The following TSC2 variants were observed in gnomAD, a reference collection of about 807,000 sequenced individuals.
TSC2 encodes the protein TSC complex subunit 2.
TSC2 carries 29 observed loss-of-function variants against 202.2 expected under a neutral mutation model. That is an observed-to-expected ratio of 0.14 (90% CI 0.11 to 0.20). The LOEUF is 0.20. Among genes scored for constraint, TSC2 ranks in the 10% least tolerant of loss-of-function variants. TSC2 has a pLI of 1.00. For missense variants in TSC2, 2,429 were observed against 2,420.0 expected, an observed-to-expected ratio of 1.00 and a Z score of -0.08; for synonymous variants, 1,349 against 1,044.0, an observed-to-expected ratio of 1.29 and a Z score of -5.63.
intron 30 of TSC2, 116 bp downstream of exon 30, chr16:2,080,493 T>G: frequency 1.6e-6 from 2 of 1,271,216 alleles, no homozygotes; most frequent in Admixed American, 2.4e-5. Context: ...TAACTTTTGT[T>G]TTTTTTTTGA....
intron 14 of TSC2, 97 bp downstream of exon 14, chr16:2,063,150 C>A: frequency 7.0e-7 from 1 of 1,428,268 alleles, no homozygotes; most frequent in Non-Finnish European, 9.6e-7. Context: ...CCGGGCTCTG[C>A]CTGGGACTTC....
rs370324876 is a variant in TSC2 at position 2,070,492 on chromosome 16, C to T, written c.1753C>T (p.Arg585Cys). Reference sequence around the variant, plus strand: ...CACCCTGCCTGCAAGCCACGCCACGCGTGTGTATGAGATGCTGGTCAGCCA... The same window carrying T: ...CACCCTGCCTGCAAGCCACGCCACGTGTGTGTATGAGATGCTGGTCAGCCA... The part of the protein sequence containing the change: ...LYTLPASHAT[R>C]VYEMLVSHIQ... The change falls in exon 17 of 42, where the codon CGT becomes TGT. Residue 585 changes from arginine (R) to cysteine (C), a missense_variant. Coordinates refer to ENST00000219476, the MANE Select transcript of TSC2 (RefSeq NM_000548.5). 8.1e-6 allele frequency: 13 copies of T among 1,613,298 alleles called. No individual in the cohort carries two copies. The highest frequency in any genetic ancestry group is 1.3e-5 in the African/African-American group (1 of 74,942).
At chr16:2,084,892 G>C in intron 34 of TSC2, 59 bp from the exon 35 acceptor site, 1 of 1,608,564 alleles carries the variant, frequency 6.2e-7, no homozygotes, top group Non-Finnish European at 8.5e-7. Flanking sequence ...CCTCCCTGTG[G>C]GCTGTGGCTG....
chr16:2,060,441 G>A (rs1176711594), intron 10 of TSC2, among the ~76,000 whole-genome samples: 1 of 152,216 alleles, frequency 6.6e-6, no homozygotes, highest in African/African-American at 2.4e-5. Flanking sequence ...TCCGAGTCAG[G>A]GACTTTGCAG....
chr16:2,064,070 C>G (rs572909288), intron 14 of TSC2: 1 of 763,788 alleles, frequency 1.3e-6, no homozygotes, highest in Non-Finnish European at 2.2e-6. Context: ...GCCTTCTGAA[C>G]GAGGAGCTGG....
chr16:2,086,043 C>A, intron 36 of TSC2, 150 bp from the exon 37 acceptor site: 1 of 905,746 alleles, frequency 1.1e-6, no homozygotes, highest in Non-Finnish European at 1.7e-6. Context: ...CACCCGATGT[C>A]TGGCCTGGGT....
At chr16:2,065,731 AC>A (rs1167806687) in intron 16 of TSC2, 96 bp downstream of exon 16, 1 of 1,100,664 alleles carries the variant, frequency 9.1e-7, no homozygotes, top group Non-Finnish European at 1.4e-6. Context: ...CCCCAGCGGG[AC>A]CCACACCCTC....
chr16:2,060,137 G>A (rs2086449397), intron 10 of TSC2, among the ~76,000 whole-genome samples: 1 of 152,260 alleles, frequency 6.6e-6, no homozygotes, highest in African/African-American at 2.4e-5. Flanking sequence ...GACGCTGGTG[G>A]TACAGCTTCA....
In TSC2 at chr16:2,060,744, G is replaced by A. The variant is rs1371264521; in HGVS notation, c.1050G>A (p.Arg350=). 5 of 1,614,138 alleles carry A rather than the reference G, an allele frequency of 3.1e-6. No individual in the cohort carries two copies. The highest frequency in any genetic ancestry group is 1.6e-4 in the Middle Eastern group (1 of 6,062). The change falls in exon 11 of 42, where the codon AGG becomes AGA. Residue 350 remains arginine, a synonymous_variant. Transcript: ENST00000219476. ...TCACCAGGCTCATCAAGAAGTATAG[G>A]AAGGAGCTCCAGGTGGTGGCGTGGG... ...LSITRLIKKY[R]KELQVVAWDI... is the part of the protein sequence containing the mutation.
At chr16:2,088,387 G>A (rs993640703) in intron 41 of TSC2, 59 bp from the exon 42 acceptor site, 3 of 1,612,240 alleles carry the variant, frequency 1.9e-6, no homozygotes, top group African/African-American at 2.7e-5. Context: ...GGGCGGGTGT[G>A]TGGGCAGAGC....
rs753716627 is a variant in TSC2 at position 2,081,592 on chromosome 16, C to T, written c.3611-3C>T. 2 of 1,612,884 alleles carry T rather than the reference C, an allele frequency of 1.2e-6. No individual in the cohort carries two copies. The highest frequency in any genetic ancestry group is 8.5e-7 in the Non-Finnish European group (1 of 1,179,990). ...CAGGCCAAAGGTGCTGCCGCCTCCG[C>T]AGGGAACACCAGCTGGCTGATGAGC... On this transcript the variant is annotated splice_region_variant and splice_polypyrimidine_tract_variant and intron_variant, in intron 30 of 41. Transcript: ENST00000219476.
chr16:2,072,233 C>T lies in TSC2; in HGVS notation c.2098-8C>T, dbSNP rs1468788322. On this transcript the variant is annotated splice_polypyrimidine_tract_variant and splice_region_variant and intron_variant, in intron 19 of 41. Coordinates refer to ENST00000219476, the MANE Select transcript of TSC2 (RefSeq NM_000548.5). The stretch of plus-strand genomic sequence containing the variant: ...AAGGCCCTGTCCTGACGCCTCCTCT[C>T]CTCGCAGGAGTCTGACTGGAAGGTG... 1.2e-6 allele frequency: 2 copies of T among 1,614,006 alleles called. No homozygotes were observed. The highest frequency in any genetic ancestry group is 2.2e-5 in the East Asian group (1 of 44,884).
In TSC2 at chr16:2,084,994, G is replaced by A. The variant is rs767449740; in HGVS notation, c.4537G>A (p.Glu1513Lys). The change falls in exon 35 of 42, where the codon GAG becomes AAG. Residue 1513 changes from glutamate (E) to lysine (K), a missense_variant. Physicochemically the swap from Glu to Lys is moderately conservative, Grantham distance 56. Coordinates refer to ENST00000219476, the MANE Select transcript of TSC2 (RefSeq NM_000548.5). ...CTACCATTCCCCCTTCTTTGGCGAC[G>A]AGTCAAACAAGCCAATCCTGCTGCC... ...QLYHSPFFGDESNKPILLPNE... is the reference protein window; with the variant it reads ...QLYHSPFFGDKSNKPILLPNE... 1.5e-5 allele frequency: 24 copies of A among 1,613,104 alleles called. No individual in the cohort carries two copies. The highest frequency in any genetic ancestry group is 2.2e-5 in the East Asian group (1 of 44,886).
At chr16:2,078,298 T>A in intron 26 of TSC2, 1 of 165,024 alleles carries the variant, frequency 6.1e-6, no homozygotes, top group Non-Finnish European at 1.3e-5. Context: ...GTCACCTGCC[T>A]GTGGGTCATC....
chr16:2,061,954 C>T lies in TSC2; in HGVS notation c.1203C>T (p.His401=), dbSNP rs199665674. 50 of 1,614,060 alleles carry T rather than the reference C, an allele frequency of 3.1e-5. No homozygotes were observed. Among genetic ancestry groups the T allele is most frequent in the African/African-American group, 9.3e-5 (7 of 74,914 alleles). Residue 401 remains histidine (H), a synonymous_variant, in exon 12 of 42, where the codon CAC becomes CAT. Transcript: ENST00000219476. ...AGCTGTGTGACCAGAACGAGTTCCA[C>T]GGGTCTCAGGAGAGATACTTTGAAC... ...VEELCDQNEF[H]GSQERYFELV... is the part of the protein sequence containing the mutation.
chr16:2,074,356 A>C lies in TSC2; in HGVS notation c.2512A>C (p.Ser838Arg). The change falls in exon 22 of 42, where the codon AGC (serine) becomes CGC (arginine). Residue 838 changes from serine to arginine, a missense_variant. Physicochemically the swap from Ser to Arg is moderately radical, Grantham distance 110. Transcript: ENST00000219476. ...VKLTHISATA[S>R]MAVPLLEFLS... ...GCTCACGCACATCTCAGCCACAGCC[A>C]GCATGGCCGTCCCACTGCTGGAGTT... 6.2e-7 allele frequency: 1 copy of C among 1,612,342 alleles called. No homozygotes were observed. Among genetic ancestry groups the C allele is most frequent in the Non-Finnish European group, 8.5e-7 (1 of 1,180,034 alleles).
intron 32 of TSC2, 113 bp from the exon 33 acceptor site, chr16:2,083,582 G>C (rs2090396694): frequency 6.6e-7 from 1 of 1,514,580 alleles, no homozygotes; most frequent in African/African-American, 1.4e-5. Flanking sequence ...GCCCTGGGGA[G>C]GCTCGCAGGG....
At chr16:2,048,360 C>T in intron 1 of TSC2, 1 of 878,370 alleles carries the variant, frequency 1.1e-6, no homozygotes, top group Non-Finnish European at 1.9e-6. Flanking sequence ...GGGCGGGCGG[C>T]AGCGTCTGAG....
At chr16:2,080,522 G>C (rs555401967) in intron 30 of TSC2, 145 bp downstream of exon 30, 58 of 933,284 alleles carry the variant, frequency 6.2e-5, no homozygotes, top group East Asian at 5.1e-4. Flanking sequence ...CTTGCTCTGT[G>C]GCCCACGCTG....
Sources: gnomAD v4.1 joint callset for allele counts (sites outside exome capture counted in the v4.1 genomes callset) on GRCh38, gnomAD v4.1.1 for gene constraint, MANE v1.5 for transcripts, NCBI Gene and HGNC (gene_info 2026-07-23, HGNC 2026-07-21) for gene names.